The following NKAIN2 variants were observed in gnomAD, a reference collection of about 807,000 sequenced individuals.
NKAIN2 encodes the protein sodium/potassium-transporting ATPase subunit beta-1-interacting protein 2.
In NKAIN2, 14 loss-of-function variants were observed where a neutral mutation model predicts 32.6. That is an observed-to-expected ratio of 0.43 (90% CI 0.28 to 0.67). The LOEUF is 0.67. NKAIN2 is among the 30% of genes least tolerant of loss of function. NKAIN2 has a pLI of 0.17. For missense variants in NKAIN2, 198 were observed against 258.3 expected, an observed-to-expected ratio of 0.77 and a Z score of 1.60; for synonymous variants, 80 against 87.2, an observed-to-expected ratio of 0.92 and a Z score of 0.46.
chr6:124,342,373 C>T (rs1284465564), intron 2 of NKAIN2, among the ~76,000 whole-genome samples: 2 of 146,656 alleles, frequency 1.4e-5, no homozygotes, highest in Admixed American at 6.7e-5. Context: ...TGCCCCACTG[C>T]ACTCCAGTCT....
chr6:124,678,634 G>A (rs1482478901), intron 4 of NKAIN2, among the ~76,000 whole-genome samples: 2 of 151,966 alleles, frequency 1.3e-5, no homozygotes, highest in Non-Finnish European at 2.9e-5. Context: ...CTGAAATACT[G>A]AGCATCTTTA....
intron 1 of NKAIN2, among the ~76,000 whole-genome samples, chr6:123,973,696 G>A (rs9375301): frequency 0.25 from 38,282 of 151,892 alleles, 5,080 homozygotes; most frequent in East Asian, 0.44. Flanking sequence ...TGAAAGTAAT[G>A]GCAAAAACTG....
chr6:123,970,042 G>A (rs1016901026), intron 1 of NKAIN2, among the ~76,000 whole-genome samples: 1 of 151,922 alleles, frequency 6.6e-6, no homozygotes, highest in South Asian at 2.1e-4. Context: ...AACAAGATAT[G>A]AGAGCAGAAT....
At chr6:124,300,543 G>GT (rs1413262908) in intron 2 of NKAIN2, among the ~76,000 whole-genome samples, 2 of 152,318 alleles carry the variant, frequency 1.3e-5, no homozygotes, top group South Asian at 4.1e-4. Context: ...TTGGAACAGG[G>GT]TAACGGGCAG....
At chr6:124,604,287 TA>T (rs1327206680) in intron 3 of NKAIN2, among the ~76,000 whole-genome samples, 1 of 151,990 alleles carries the variant, frequency 6.6e-6, no homozygotes, top group East Asian at 1.9e-4. Context: ...ATAGGAATAC[TA>T]AAATAATGTG....
chr6:124,140,956 T>C (rs915549348), intron 1 of NKAIN2, among the ~76,000 whole-genome samples: 1 of 152,200 alleles, frequency 6.6e-6, no homozygotes. Context: ...GATAAAACTA[T>C]GGAGTTCAAC....
intron 4 of NKAIN2, among the ~76,000 whole-genome samples, chr6:124,714,888 G>A (rs888595930): frequency 3.9e-5 from 6 of 152,140 alleles, no homozygotes; most frequent in African/African-American, 1.4e-4. Context: ...TGAGTAATGG[G>A]AGACTCCTCA....
At chr6:124,557,723 A>G (rs1780528635) in intron 3 of NKAIN2, among the ~76,000 whole-genome samples, 1 of 152,206 alleles carries the variant, frequency 6.6e-6, no homozygotes. Context: ...AGCATAATTT[A>G]CGATGCCTGA....
At chr6:124,583,979 TA>T (rs1266876538) in intron 3 of NKAIN2, among the ~76,000 whole-genome samples, 4 of 152,012 alleles carry the variant, frequency 2.6e-5, no homozygotes, top group African/African-American at 9.7e-5. Flanking sequence ...TCTCACCACA[TA>T]AAAAAATCAA....
chr6:124,696,199 A>G (rs1774487802), intron 4 of NKAIN2, among the ~76,000 whole-genome samples: 1 of 152,114 alleles, frequency 6.6e-6, no homozygotes, highest in Non-Finnish European at 1.5e-5. Flanking sequence ...GAGGGGTTCT[A>G]GCTTCCATGA....
At chr6:124,769,953 C>A (rs980347132) in intron 4 of NKAIN2, among the ~76,000 whole-genome samples, 2 of 152,140 alleles carry the variant, frequency 1.3e-5, no homozygotes, top group African/African-American at 2.4e-5. Flanking sequence ...GTCACACCTT[C>A]TTCTGGAAAT....
intron 1 of NKAIN2, among the ~76,000 whole-genome samples, chr6:124,016,675 C>A (rs1356456957): frequency 3.3e-5 from 5 of 152,138 alleles, no homozygotes; most frequent in African/African-American, 1.2e-4. Context: ...CTAGGGACAA[C>A]TTTTTGACCA....
In NKAIN2 at chr6:124,245,765, A is replaced by T. The variant is rs563201852; in HGVS notation, c.55-37240A>T. 3.3e-5 allele frequency among the ~76,000 whole-genome samples: 5 copies of T among 152,126 alleles called. No individual in the cohort carries two copies. In the East Asian group the frequency reaches 9.7e-4, roughly 29 times the overall value. On this transcript the variant is annotated intron_variant, in intron 1 of 6. Transcript: ENST00000368417. ...AATCTAGACTTTGTTAATTTAATAG[A>T]TTTGTTATCTTTCACATGCATCACA...
chr6:124,560,814 G>C (rs181451392), intron 3 of NKAIN2, among the ~76,000 whole-genome samples: 48 of 152,170 alleles, frequency 3.2e-4, no homozygotes, highest in African/African-American at 8.7e-4. Context: ...ATTATTTTTT[G>C]TTTAAATCAA....
At chr6:124,738,882 C>T (rs1322307542) in intron 4 of NKAIN2, among the ~76,000 whole-genome samples, 1 of 151,872 alleles carries the variant, frequency 6.6e-6, no homozygotes, top group Non-Finnish European at 1.5e-5. Context: ...CAATGTATTA[C>T]ACACATTAGC....
At chr6:124,115,771 A>T (rs1785580072) in intron 1 of NKAIN2, among the ~76,000 whole-genome samples, 1 of 152,202 alleles carries the variant, frequency 6.6e-6, no homozygotes, top group Admixed American at 6.5e-5. Context: ...TGCCATTATA[A>T]TTATGATATG....
chr6:124,574,220 G>A (rs1781242827), intron 3 of NKAIN2, among the ~76,000 whole-genome samples: 1 of 152,088 alleles, frequency 6.6e-6, no homozygotes, highest in Non-Finnish European at 1.5e-5. Context: ...TTTCATGGAT[G>A]CCAATGCTAT....
intron 4 of NKAIN2, among the ~76,000 whole-genome samples, chr6:124,724,626 T>C (rs1776185554): frequency 6.6e-6 from 1 of 152,238 alleles, no homozygotes; most frequent in Admixed American, 6.5e-5. Context: ...GAATGAGTTA[T>C]AGTGATATAA....
chr6:124,528,453 G>A (rs1167234930), intron 3 of NKAIN2, among the ~76,000 whole-genome samples: 1 of 152,174 alleles, frequency 6.6e-6, no homozygotes, highest in African/African-American at 2.4e-5. Flanking sequence ...AATGTGTTAA[G>A]TATTTGCCCA....
Sources: allele counts gnomAD v4.1 joint callset (sites outside exome capture counted in the v4.1 genomes callset), GRCh38; gene constraint gnomAD v4.1.1; transcripts MANE v1.5; gene names NCBI Gene and HGNC (gene_info 2026-07-23, HGNC 2026-07-21).